The following FKBP5 variants were observed in gnomAD, a reference collection of about 807,000 sequenced individuals.
FKBP5 encodes the protein peptidyl-prolyl cis-trans isomerase FKBP5.
FKBP5 carries 23 observed loss-of-function variants against 50.5 expected under a neutral mutation model. The observed-to-expected ratio is 0.46, with a 90% CI of 0.33 to 0.65. FKBP5 has a LOEUF of 0.65. Ranked by LOEUF, FKBP5 falls within the 30% of genes least tolerant of loss-of-function variation. FKBP5 has a pLI of 0.02. For missense variants in FKBP5, 411 were observed against 553.1 expected (o/e 0.74, Z 2.58); for synonymous variants, 176 against 190.6 (o/e 0.92, Z 0.63).
intron 1 of FKBP5, among the ~76,000 whole-genome samples, chr6:35,678,269 C>G (rs1012088363): frequency 1.3e-5 from 2 of 151,946 alleles, no homozygotes; most frequent in East Asian, 1.9e-4. Context: ...TGTTGGTATA[C>G]AGCTGCTACA....
chr6:35,589,128 A>ATATATATTT (rs1427010607), intron 7 of FKBP5, among the ~76,000 whole-genome samples: 44 of 121,538 alleles, frequency 3.6e-4, no homozygotes, highest in African/African-American at 1.3e-3. Flanking sequence ...ATATATATAT[A>ATATATATTT]TTTTTTTTTT....
intron 2 of FKBP5, among the ~76,000 whole-genome samples, chr6:35,719,232 C>T (rs1638355218): frequency 6.6e-6 from 1 of 152,204 alleles, no homozygotes; most frequent in Non-Finnish European, 1.5e-5. Context: ...TTTCCCTCTT[C>T]TATGACAGCA....
intron 2 of FKBP5, among the ~76,000 whole-genome samples, chr6:35,642,312 C>A (rs1053449486): frequency 6.6e-6 from 1 of 152,178 alleles, no homozygotes; most frequent in Admixed American, 6.5e-5. Flanking sequence ...AAATTAAAAT[C>A]TCTAGCTGGG....
chr6:35,594,621 T>TACAC (rs939853219), intron 6 of FKBP5, among the ~76,000 whole-genome samples: 2 of 151,990 alleles, frequency 1.3e-5, no homozygotes, highest in African/African-American at 4.8e-5. Flanking sequence ...ACAGCATGCA[T>TACAC]ACACACACAC....
At chr6:35,602,489 A>G (rs1763175339) in intron 5 of FKBP5, among the ~76,000 whole-genome samples, 1 of 152,062 alleles carries the variant, frequency 6.6e-6, no homozygotes, top group Admixed American at 6.6e-5. Context: ...AGGTTGTGAC[A>G]GGTTACTCCC....
intron 3 of FKBP5, among the ~76,000 whole-genome samples, chr6:35,625,757 A>T (rs990411845): frequency 6.7e-6 from 1 of 148,622 alleles, no homozygotes; most frequent in Non-Finnish European, 1.5e-5. Context: ...CACCAAGAAT[A>T]CATAATGTCA....
chr6:35,709,227 C>T (rs906305040), intron 2 of FKBP5, among the ~76,000 whole-genome samples: 10 of 152,130 alleles, frequency 6.6e-5, no homozygotes, highest in African/African-American at 2.4e-4. Flanking sequence ...GGAAAACTCC[C>T]CCTTATAGAA....
chr6:35,675,119 A>C (rs780572681), intron 1 of FKBP5, among the ~76,000 whole-genome samples: 26 of 152,254 alleles, frequency 1.7e-4, no homozygotes, highest in Non-Finnish European at 3.5e-4. Context: ...TCCTCACAAC[A>C]ACCTTGAGGT....
intron 1 of FKBP5, among the ~76,000 whole-genome samples, chr6:35,687,835 T>C (rs1765874817): frequency 6.6e-6 from 1 of 152,218 alleles, no homozygotes; most frequent in Non-Finnish European, 1.5e-5. Flanking sequence ...TTACTACGCT[T>C]TCGCCACCAC....
rs1207291505 is a variant in FKBP5, at chr6:35,698,820, C to T, written c.-20+21508G>A. On this transcript the variant is annotated intron_variant, in intron 2 of 11. Transcript: ENST00000536438. ...AGAGAGAGTGAGCAGGGAGGTGCAACACGTTTTTAAACAACCAGATCTCAC... is the reference window on the plus strand; with the variant it reads ...AGAGAGAGTGAGCAGGGAGGTGCAATACGTTTTTAAACAACCAGATCTCAC... 2.6e-5 allele frequency among the ~76,000 whole-genome samples: 4 copies of T among 152,070 alleles called. No individual in the cohort carries two copies. The East Asian group carries it at 7.7e-4, about 29-fold the overall frequency.
chr6:35,634,703 T>C (rs1561868599), intron 3 of FKBP5, among the ~76,000 whole-genome samples: 1 of 90,400 alleles, frequency 1.1e-5, no homozygotes, highest in Non-Finnish European at 2.6e-5. Flanking sequence ...TGGTGGTGAA[T>C]AGGGGGAATA....
intron 1 of FKBP5, chr6:35,728,402 G>GC (rs1766768749): frequency 6.6e-6 from 1 of 152,284 alleles, no homozygotes; most frequent in Admixed American, 6.5e-5. Context: ...CAGCCTGAGC[G>GC]CAGCAGGCTC....
intron 9 of FKBP5, among the ~76,000 whole-genome samples, chr6:35,577,767 G>C (rs1762267253): frequency 6.6e-6 from 1 of 152,166 alleles, no homozygotes; most frequent in Admixed American, 6.5e-5. Context: ...TAGAAAATAA[G>C]AGTTAAGGCC....
intron 2 of FKBP5, among the ~76,000 whole-genome samples, chr6:35,705,327 C>T (rs200625935): frequency 7.3e-6 from 1 of 136,610 alleles, no homozygotes; most frequent in Non-Finnish European, 1.6e-5. Flanking sequence ...AGTGCAATGG[C>T]GTGATCTTGG....
At chr6:35,576,872 G>A (rs1762235548) in intron 10 of FKBP5, 122 bp downstream of exon 10, 7 of 1,238,704 alleles carry the variant, frequency 5.7e-6, no homozygotes, top group Non-Finnish European at 7.9e-6. Context: ...CCTCAGATTA[G>A]ATTGGAAATC....
In FKBP5 at chr6:35,666,746, G is replaced by A. The variant is rs111393909; in HGVS notation, c.-20+22058C>T. Among the ~76,000 whole-genome samples, 785 of 152,012 alleles carry A rather than the reference G, an allele frequency of 5.2e-3. 8 individuals carry two copies. Among genetic ancestry groups the A allele is most frequent in the African/African-American group, 0.013 (548 of 41,480 alleles). Reference sequence around the variant, plus strand: ...TCTACTAAAAATACAAAAATTAGCCGGGCATGGTGGCAGGCGCCTATAATC... The same window carrying A: ...TCTACTAAAAATACAAAAATTAGCCAGGCATGGTGGCAGGCGCCTATAATC... On this transcript the variant is annotated intron_variant, in intron 1 of 10. Transcript: ENST00000357266.
chr6:35,665,675 C>T (rs1481165291), intron 1 of FKBP5, among the ~76,000 whole-genome samples: 1 of 152,180 alleles, frequency 6.6e-6, no homozygotes, highest in Non-Finnish European at 1.5e-5. Flanking sequence ...GTACAATACA[C>T]ACTATGGGTC....
rs114543123 is a variant in FKBP5, at chr6:35,605,102, A to C, written c.509-7698T>G. Among the ~76,000 whole-genome samples, 232 of 152,066 alleles carry C rather than the reference A, an allele frequency of 1.5e-3. 2 individuals are homozygous for C. Among genetic ancestry groups the C allele is most frequent in the Non-Finnish European group, 1.9e-3 (129 of 67,974 alleles). On this transcript the variant is annotated intron_variant, in intron 5 of 10. Transcript: ENST00000357266. ...CCGGCCCGTGTTTTCTTATTTTTTA[A>C]AACAATTTTTGCTCAATTGATGAAG...
chr6:35,580,526 C>CTTTTT (rs34594222), intron 8 of FKBP5: 18 of 54,670 alleles, frequency 3.3e-4, no homozygotes, highest in African/African-American at 9.7e-4. Context: ...ATTCTTTAGT[C>CTTTTT]TTTTTTTTTT....
Sources: allele counts gnomAD v4.1 joint callset (sites outside exome capture counted in the v4.1 genomes callset), GRCh38; gene constraint gnomAD v4.1.1; transcripts MANE v1.5; gene names NCBI Gene and HGNC (gene_info 2026-07-23, HGNC 2026-07-21).